MYO7B: variants seen among roughly 807,000 people sequenced by gnomAD.
The protein encoded by MYO7B is unconventional myosin-VIIb.
MYO7B carries 212 observed loss-of-function variants against 259.7 expected under a neutral mutation model. The ratio of observed to expected loss-of-function variants is 0.82; its 90% CI spans 0.73 to 0.91. The LOEUF (loss-of-function observed/expected upper bound fraction) is 0.91. MYO7B is among the 40% of genes least tolerant of loss of function. MYO7B has a pLI of 0.00. For missense variants in MYO7B, 2,732 were observed against 2,813.5 expected (o/e 0.97, Z 0.66); for synonymous variants, 1,197 against 1,166.4 (o/e 1.03, Z -0.54).
chr2:127,582,153 T>G (rs1679128763), intron 11 of MYO7B, 143 bp downstream of exon 11: 4 of 1,466,228 alleles, frequency 2.7e-6, no homozygotes, highest in South Asian at 1.3e-5. Flanking sequence ...GACCATGGAC[T>G]CCTCAGCCTC....
intron 1 of MYO7B, among the ~76,000 whole-genome samples, chr2:127,540,614 T>G (rs1692968639): frequency 6.6e-6 from 1 of 152,208 alleles, no homozygotes; most frequent in Non-Finnish European, 1.5e-5. Flanking sequence ...CCTCAAGGGC[T>G]TTTTCTGGAA....
intron 19 of MYO7B, among the ~76,000 whole-genome samples, chr2:127,596,812 G>T (rs999014686): frequency 6.6e-6 from 1 of 152,246 alleles, no homozygotes; most frequent in Non-Finnish European, 1.5e-5. Flanking sequence ...GGGCAGCCCC[G>T]CTCTCAACCA....
intron 3 of MYO7B, among the ~76,000 whole-genome samples, chr2:127,564,704 G>A (rs946134530): frequency 3.7e-4 from 56 of 152,252 alleles, no homozygotes; most frequent in Middle Eastern, 6.8e-3. Flanking sequence ...GTGTCCAGCC[G>A]GTCACTTAGC....
intron 34 of MYO7B, 26 bp from the exon 35 acceptor site, chr2:127,629,619 A>G (rs776035401): frequency 3.7e-6 from 6 of 1,603,594 alleles, no homozygotes; most frequent in South Asian, 2.2e-5. Flanking sequence ...CAGAGCCCTC[A>G]GCAAATAGCC....
At chr2:127,541,922 A>G (rs1458050248) in intron 1 of MYO7B, among the ~76,000 whole-genome samples, 1 of 152,172 alleles carries the variant, frequency 6.6e-6, no homozygotes, top group Non-Finnish European at 1.5e-5. Flanking sequence ...AGGAAGCTGG[A>G]TTTCTCTAGC....
chr2:127,631,526 G>T, intron 37 of MYO7B, 74 bp from the exon 38 acceptor site: 1 of 1,558,426 alleles, frequency 6.4e-7, no homozygotes, highest in Non-Finnish European at 8.7e-7. Context: ...CAGGGCCGGG[G>T]TCGGGGTCAG....
chr2:127,635,827 C>T lies in MYO7B; in HGVS notation c.5926C>T (p.Leu1976=), dbSNP rs543707240. 15 of 1,586,482 alleles carry T rather than the reference C, an allele frequency of 9.5e-6. No individual in the cohort carries two copies. In the African/African-American group the frequency reaches 1.3e-4, roughly 14 times the overall value. ...KAQFNNDRSQ[L]ASVPKILREL... is the part of the protein sequence containing the mutation. The stretch of plus-strand genomic sequence containing the variant: ...CCAGTTCAACAACGACCGGTCCCAG[C>T]TGGCTAGTGTCCCCAAGATCCTGAG... Residue 1976 remains leucine, a synonymous_variant, in exon 44 of 48, where the codon CTG becomes TTG. Coordinates refer to ENST00000409816, the MANE Select transcript of MYO7B (RefSeq NM_001393586.1).
At chr2:127,620,288 C>T (rs898348757) in intron 26 of MYO7B, 52 bp from the exon 27 acceptor site, 13 of 1,563,588 alleles carry the variant, frequency 8.3e-6, no homozygotes, top group African/African-American at 1.3e-5. Context: ...ACCCCTGTCT[C>T]CTCTCCTCCT....
chr2:127,632,310 G>C lies in MYO7B; in HGVS notation c.5314G>C (p.Gly1772Arg). 2 of 1,610,976 alleles carry C rather than the reference G, an allele frequency of 1.2e-6. No homozygotes were observed. The highest frequency in any genetic ancestry group is 1.7e-6 in the Non-Finnish European group (2 of 1,179,184). ...LCTGLFPPSKGLLPHAQKFID... is the reference protein window; with the variant it reads ...LCTGLFPPSKRLLPHAQKFID... ...CACGGGCCTCTTCCCGCCCAGCAAG[G>C]GGCTGCTGCCCCATGCCCAGAAGTT... is the stretch of plus-strand genomic sequence containing the variant. The change falls in exon 39 of 48, where the codon GGG (glycine) becomes CGG (arginine). Residue 1772 changes from glycine (G) to arginine (R), a missense_variant. Coordinates refer to ENST00000409816, the MANE Select transcript of MYO7B (RefSeq NM_001393586.1).
At chr2:127,547,467 TG>T (rs1693278814) in intron 1 of MYO7B, among the ~76,000 whole-genome samples, 1 of 152,024 alleles carries the variant, frequency 6.6e-6, no homozygotes, top group African/African-American at 2.4e-5. Flanking sequence ...AAAGAGAACA[TG>T]GGGTGTTTCA....
At chr2:127,593,511 C>A in intron 17 of MYO7B, 35 bp from the exon 18 acceptor site, 2 of 1,596,808 alleles carry the variant, frequency 1.3e-6, no homozygotes. Context: ...GTCTCTGCCC[C>A]ACCTCCCACC....
In MYO7B at chr2:127,627,153, C is replaced by T; in HGVS notation, c.4334-31C>T. On this transcript the variant is annotated intron_variant, in intron 32 of 47. Coordinates refer to ENST00000409816, the MANE Select transcript of MYO7B (RefSeq NM_001393586.1). This position sits in a 1 kb window ranked among gnomAD's most constrained non-coding sequence, Gnocchi z 5.6. The stretch of plus-strand genomic sequence containing the variant: ...GGGCTGGGCACCCAGGGGTCCCATG[C>T]AGCCTTCACACTGCCGTCTCTCCTG... 6.2e-7 allele frequency: 1 copy of T among 1,603,620 alleles called. No individual in the cohort carries two copies. Among genetic ancestry groups the T allele is most frequent in the Non-Finnish European group, 8.5e-7 (1 of 1,175,392 alleles).
chr2:127,571,851 A>T (rs1322494635), intron 6 of MYO7B, among the ~76,000 whole-genome samples: 1 of 152,108 alleles, frequency 6.6e-6, no homozygotes, highest in South Asian at 2.1e-4. Flanking sequence ...TACATCTTAT[A>T]TTGTGTCCGA....
Position 127,615,465 on chromosome 2 carries a change from G to A in MYO7B, c.3398+2862G>A, listed in dbSNP as rs2249013. Among the ~76,000 whole-genome samples, 516 of 152,140 alleles carry A rather than the reference G, an allele frequency of 3.4e-3. 1 individual carries two copies. Among genetic ancestry groups the A allele is most frequent in the African/African-American group, 0.011 (444 of 41,526 alleles). ...CTCCTAGTGAGCAAAGACAGCCCCC[G>A]CCCTGAGCTTCTTCAGCCCTTAGTA... On this transcript the variant is annotated intron_variant, in intron 26 of 47. Coordinates refer to ENST00000409816, the MANE Select transcript of MYO7B (RefSeq NM_001393586.1). The surrounding 1 kb of genome is among the most constrained non-coding windows in gnomAD (Gnocchi z 4.4).
At chr2:127,563,012 T>C (rs965396947) in intron 2 of MYO7B, among the ~76,000 whole-genome samples, 1 of 152,234 alleles carries the variant, frequency 6.6e-6, no homozygotes, top group Non-Finnish European at 1.5e-5. Flanking sequence ...TATGTTCTCC[T>C]GCTGTTTCCA....
chr2:127,589,742 G>A (rs1266283492), intron 15 of MYO7B, among the ~76,000 whole-genome samples: 1 of 130,270 alleles, frequency 7.7e-6, no homozygotes, highest in Non-Finnish European at 1.6e-5. Context: ...GGGTTGGTGA[G>A]TGGATGGAAG....
At position 127,588,491 on chromosome 2, in the gene MYO7B, T is replaced by A. The variant is rs1171136232; in HGVS notation, c.1790T>A (p.Leu597Ter). 6.2e-7 allele frequency: 1 copy of A among 1,613,284 alleles called. No individual in the cohort carries two copies. Among genetic ancestry groups the A allele is most frequent in the Non-Finnish European group, 8.5e-7 (1 of 1,179,858 alleles). Residue 597 changes from leucine to a stop codon, truncating the protein, a stop_gained, in exon 15 of 48, where the codon TTA becomes TAA. Coordinates refer to ENST00000409816, the MANE Select transcript of MYO7B (RefSeq NM_001393586.1). LOFTEE classifies it high-confidence loss of function. ...KFLREIFNLE[L>*]AETKLGHGTI... ...CTGAGGGAGATATTCAACTTGGAGT[T>A]AGCAGAGACCAAGCTGGGCCATGGG...
chr2:127,605,141 G>A (rs912234851), intron 19 of MYO7B, among the ~76,000 whole-genome samples: 7 of 152,244 alleles, frequency 4.6e-5, no homozygotes, highest in African/African-American at 1.2e-4. Context: ...GAGTGACTCC[G>A]TCTCGCCAGA....
At position 127,620,375 on chromosome 2, in the gene MYO7B, C is replaced by G; in HGVS notation, c.3434C>G (p.Ser1145Trp). ...TACTGCCAGATCTGCAAGCAGCTCT[C>G]GGAGAACTTCAAAACAAGCAGCCTG... is the stretch of plus-strand genomic sequence containing the variant. ...EIYCQICKQL[S>W]ENFKTSSLAR... Residue 1145 changes from serine to tryptophan, a missense_variant, in exon 27 of 48, where the codon TCG (serine) becomes TGG (tryptophan). Around this residue, in one of 3 missense-constraint regions of MYO7B, gnomAD observed 1,906 missense variants for 2,026.4 expected, o/e 0.94. Transcript: ENST00000409816. The G allele has an allele frequency of 6.2e-7, 1 of 1,612,246 alleles. No homozygotes were observed. The highest frequency in any genetic ancestry group is 1.3e-5 in the African/African-American group (1 of 74,984).
Sources: allele counts gnomAD v4.1 joint callset (sites outside exome capture counted in the v4.1 genomes callset), GRCh38; gene constraint gnomAD v4.1.1; regional missense constraint gnomAD v4.1.1; non-coding constraint Gnocchi (gnomAD v3.1); transcripts MANE v1.5; gene names NCBI Gene and HGNC (gene_info 2026-07-23, HGNC 2026-07-21).